ANKS1B: variants seen among roughly 807,000 people sequenced by gnomAD.
The protein encoded by ANKS1B is ankyrin repeat and sterile alpha motif domain containing 1B.
Under a neutral mutation model 148.3 loss-of-function variants are expected in ANKS1B, and 36 were observed. The ratio of observed to expected loss-of-function variants is 0.24; its 90% CI spans 0.19 to 0.32. ANKS1B has a LOEUF of 0.32. Ranked by LOEUF, ANKS1B falls within the 10% of genes least tolerant of loss-of-function variation. The pLI, the probability that ANKS1B is intolerant of heterozygous loss-of-function variation, is 1.00. For missense variants in ANKS1B, 1,157 were observed against 1,542.6 expected (o/e 0.75, Z 4.19); for synonymous variants, 542 against 560.8 (o/e 0.97, Z 0.47).
chr12:99,699,351 ATTAC>A (rs1051063702), intron 8 of ANKS1B, among the ~76,000 whole-genome samples: 25 of 152,192 alleles, frequency 1.6e-4, no homozygotes, highest in Non-Finnish European at 3.1e-4. Context: ...TTCATAAATA[ATTAC>A]TTACTTAATT....
intron 15 of ANKS1B, among the ~76,000 whole-genome samples, chr12:99,108,113 A>T (rs190291222): frequency 2.1e-4 from 32 of 152,340 alleles, no homozygotes; most frequent in African/African-American, 7.0e-4. Flanking sequence ...TTACTGCAAG[A>T]GCAGCATCTT....
chr12:99,881,573 ATGAGCCCGTCC>A (rs2092492867), intron 1 of ANKS1B, among the ~76,000 whole-genome samples: 1 of 152,208 alleles, frequency 6.6e-6, no homozygotes, highest in Non-Finnish European at 1.5e-5. Context: ...GGGTTGGGAT[ATGAGCCCGTCC>A]TGAGCTGCAC....
chr12:99,137,359 T>C (rs2068485280), intron 15 of ANKS1B, among the ~76,000 whole-genome samples: 1 of 152,122 alleles, frequency 6.6e-6, no homozygotes, highest in South Asian at 2.1e-4. Context: ...GGGCCAACGA[T>C]TACCCAGTCA....
intron 17 of ANKS1B, among the ~76,000 whole-genome samples, chr12:98,865,923 C>A (rs914040691): frequency 6.6e-6 from 1 of 152,136 alleles, no homozygotes; most frequent in Non-Finnish European, 1.5e-5. Context: ...AAGATGCTGG[C>A]AGATTCGGTA....
chr12:99,608,490 C>CA (rs574053438), intron 9 of ANKS1B, among the ~76,000 whole-genome samples: 99 of 152,160 alleles, frequency 6.5e-4, no homozygotes, highest in African/African-American at 2.2e-3. Flanking sequence ...ACTTACAAAC[C>CA]ACTTACAGCA....
intron 1 of ANKS1B, among the ~76,000 whole-genome samples, chr12:99,903,078 A>T (rs550888641): frequency 6.6e-6 from 1 of 152,282 alleles, no homozygotes; most frequent in South Asian, 2.1e-4. Flanking sequence ...ATATTAAATG[A>T]AATAATCTAT....
At chr12:99,182,358 C>G (rs1400679442) in intron 14 of ANKS1B, among the ~76,000 whole-genome samples, 1 of 152,172 alleles carries the variant, frequency 6.6e-6, no homozygotes, top group Non-Finnish European at 1.5e-5. Context: ...TACTCTCTAT[C>G]TCCATGAGTT....
chr12:99,875,762 T>C (rs530036597), intron 1 of ANKS1B, among the ~76,000 whole-genome samples: 1 of 152,200 alleles, frequency 6.6e-6, no homozygotes, highest in Non-Finnish European at 1.5e-5. Flanking sequence ...TCAGCAGATG[T>C]TTACTGTGTG....
intron 9 of ANKS1B, among the ~76,000 whole-genome samples, chr12:99,575,350 T>G (rs2097505937): frequency 6.6e-6 from 1 of 152,094 alleles, no homozygotes; most frequent in Non-Finnish European, 1.5e-5. Flanking sequence ...ATAAGGGAAT[T>G]CTTACCACCA....
At chr12:99,837,048 G>C (rs1424611719) in intron 1 of ANKS1B, among the ~76,000 whole-genome samples, 3 of 152,078 alleles carry the variant, frequency 2.0e-5, no homozygotes, top group Admixed American at 6.6e-5. Context: ...GCTTTATCCC[G>C]GATTACCCAG....
chr12:98,740,097 GC>G (rs1202197651), downstream of ANKS1B, among the ~76,000 whole-genome samples: 2 of 152,178 alleles, frequency 1.3e-5, no homozygotes, highest in African/African-American at 4.8e-5. Context: ...AAGACCCTGG[GC>G]TTGTTGCTGG....
At chr12:98,931,656 T>C (rs892245097) in intron 17 of ANKS1B, 5 of 152,344 alleles carry the variant, frequency 3.3e-5, no homozygotes, top group Non-Finnish European at 5.9e-5. Context: ...CTCAAACTTA[T>C]GTTGTCAAAT....
chr12:99,423,181 C>T (rs1567071968), intron 11 of ANKS1B, among the ~76,000 whole-genome samples: 3 of 151,684 alleles, frequency 2.0e-5, no homozygotes, highest in Non-Finnish European at 4.4e-5. Context: ...TGTTAAGGGC[C>T]CAGAAGAGAT....
chr12:99,783,665 G>C (rs950815404), intron 4 of ANKS1B, among the ~76,000 whole-genome samples: 1 of 152,178 alleles, frequency 6.6e-6, no homozygotes, highest in African/African-American at 2.4e-5. Flanking sequence ...ACATATGTGT[G>C]AGCTAAAAAA....
chr12:99,418,627 C>G (rs1240329125), intron 11 of ANKS1B, among the ~76,000 whole-genome samples: 1 of 152,062 alleles, frequency 6.6e-6, no homozygotes, highest in Admixed American at 6.5e-5. Flanking sequence ...ATCTGTATGC[C>G]TTTTATTTTT....
chr12:99,398,058 C>T (rs1297661282), intron 12 of ANKS1B, among the ~76,000 whole-genome samples: 1 of 152,036 alleles, frequency 6.6e-6, no homozygotes, highest in African/African-American at 2.4e-5. Context: ...CTAAATTAGG[C>T]ATCACTGGAT....
chr12:99,114,682 A>G (rs1240693563), intron 15 of ANKS1B, among the ~76,000 whole-genome samples: 1 of 151,832 alleles, frequency 6.6e-6, no homozygotes, highest in Non-Finnish European at 1.5e-5. Context: ...AACCTGGGAG[A>G]TGGAGGTTGC....
intron 15 of ANKS1B, among the ~76,000 whole-genome samples, chr12:99,094,769 A>AAGACAATACAG (rs1237206979): frequency 1.3e-5 from 2 of 152,230 alleles, no homozygotes; most frequent in East Asian, 3.8e-4. Flanking sequence ...CGCAGGAAAT[A>AAGACAATACAG]AGACAATACA....
At chr12:99,080,436 G>A (rs974822305) in intron 16 of ANKS1B, among the ~76,000 whole-genome samples, 9 of 152,154 alleles carry the variant, frequency 5.9e-5, no homozygotes, top group Non-Finnish European at 1.2e-4. Flanking sequence ...CAACTACTAA[G>A]TAATTCCAAA....
Sources: allele counts gnomAD v4.1 joint callset (sites outside exome capture counted in the v4.1 genomes callset), GRCh38; gene constraint gnomAD v4.1.1; transcripts MANE v1.5; gene names NCBI Gene and HGNC (gene_info 2026-07-23, HGNC 2026-07-21).